The following POC1A variants were observed in gnomAD, a reference collection of about 807,000 sequenced individuals.
POC1A encodes the protein POC1 centriolar protein A, also known as POC1 centriolar protein homolog A.
A neutral mutation model predicts 47.8 loss-of-function variants in POC1A; 34 were observed. The observed-to-expected ratio is 0.71, with a 90% CI of 0.54 to 0.95. The LOEUF (loss-of-function observed/expected upper bound fraction) is 0.95. POC1A is among the 40% of genes least tolerant of loss of function. POC1A has a pLI of 0.00. For synonymous variants in POC1A, 177 were observed against 207.6 expected, an observed-to-expected ratio of 0.85 and a Z score of 1.27; for missense variants, 466 against 528.3, an observed-to-expected ratio of 0.88 and a Z score of 1.16.
At chr3:52,105,639 G>A (rs575604283) in intron 9 of POC1A, among the ~76,000 whole-genome samples, 2 of 152,274 alleles carry the variant, frequency 1.3e-5, no homozygotes, top group South Asian at 4.1e-4. Context: ...AGCCTTATTT[G>A]CCCTGTAATT....
At chr3:52,103,149 C>A (rs1703055572) in intron 9 of POC1A, among the ~76,000 whole-genome samples, 1 of 152,218 alleles carries the variant, frequency 6.6e-6, no homozygotes. Flanking sequence ...TGAGTATCCA[C>A]ATGCAAAAAA....
rs1340638739 is a variant in POC1A, at chr3:52,090,654, C to T, written c.1125+5915G>A. Among the ~76,000 whole-genome samples the T allele has an allele frequency of 6.6e-6, 1 of 152,156 alleles. No homozygotes were observed. The highest frequency in any genetic ancestry group is 1.5e-5 in the Non-Finnish European group (1 of 68,020). ...TGGAAACAGCCTCTCTCCCTGCTCA[C>T]TGGAGAAGTTTTCCGGCATCTGTGA... On this transcript the variant is annotated intron_variant, in intron 10 of 10. Transcript: ENST00000296484. This position sits in a 1 kb window ranked among gnomAD's most constrained non-coding sequence, Gnocchi z 4.2.
chr3:52,129,757 C>T (rs1319361180), intron 7 of POC1A, among the ~76,000 whole-genome samples: 2 of 152,216 alleles, frequency 1.3e-5, no homozygotes, highest in Non-Finnish European at 2.9e-5. Flanking sequence ...CCAGACACAG[C>T]CTGGCCTCCC....
intron 10 of POC1A, among the ~76,000 whole-genome samples, chr3:52,093,981 G>A (rs1702725075): frequency 6.6e-6 from 1 of 152,194 alleles, no homozygotes; most frequent in African/African-American, 2.4e-5. Flanking sequence ...ACGGCCCGCT[G>A]CATCCCCATG....
chr3:52,107,650 G>A lies in POC1A; in HGVS notation c.982-10938C>T, dbSNP rs76502043. Reference sequence around the variant, plus strand: ...CCCTCCCACAGCACATACCTGAACCGAGGTACCCTGGTAGGGAGATCAAGG... The same window carrying A: ...CCCTCCCACAGCACATACCTGAACCAAGGTACCCTGGTAGGGAGATCAAGG... On this transcript the variant is annotated intron_variant, in intron 9 of 10. Transcript: ENST00000296484. 1.7e-3 allele frequency among the ~76,000 whole-genome samples: 258 copies of A among 152,334 alleles called. 3 individuals are homozygous for A. The East Asian group carries it at 0.039, about 23-fold the overall frequency.
chr3:52,092,558 CA>C (rs1439077463), intron 10 of POC1A, among the ~76,000 whole-genome samples: 3 of 152,076 alleles, frequency 2.0e-5, no homozygotes, highest in Non-Finnish European at 4.4e-5. Context: ...GTGAGGTCCA[CA>C]AAGGGAAGTC....
intron 10 of POC1A, among the ~76,000 whole-genome samples, chr3:52,094,022 G>A (rs1702726559): frequency 6.6e-6 from 1 of 152,218 alleles, no homozygotes. Context: ...TCTGCAGGAT[G>A]GAGGCCTGAA....
chr3:52,090,860 T>TG lies in POC1A; in HGVS notation c.1125+5708dup, dbSNP rs1299642432. Among the ~76,000 whole-genome samples the TG allele has an allele frequency of 6.6e-6, 1 of 151,980 alleles. No homozygotes were observed. The highest frequency in any genetic ancestry group is 1.5e-5 in the Non-Finnish European group (1 of 67,972). On this transcript the variant is annotated intron_variant, in intron 10 of 10. Transcript: ENST00000296484. The surrounding 1 kb of genome is among the most constrained non-coding windows in gnomAD (Gnocchi z 4.2). ...GTGCTCAGAATGGAGGAGCCTGGCC[T>TG]GGGGGGCAGGCAGATGAAAAGGCCC...
chr3:52,119,538 G>A (rs746759287), intron 9 of POC1A, among the ~76,000 whole-genome samples: 5 of 151,992 alleles, frequency 3.3e-5, no homozygotes, highest in Non-Finnish European at 7.4e-5. Context: ...AGGACTACAG[G>A]GGAGTGCCAC....
chr3:52,135,301 G>A (rs1012198955), intron 7 of POC1A, among the ~76,000 whole-genome samples: 1 of 152,218 alleles, frequency 6.6e-6, no homozygotes, highest in African/African-American at 2.4e-5. Flanking sequence ...AGTGGACCCC[G>A]TATCTTAACC....
chr3:52,123,658 C>T (rs542483449), intron 8 of POC1A, among the ~76,000 whole-genome samples: 1 of 152,274 alleles, frequency 6.6e-6, no homozygotes, highest in South Asian at 2.1e-4. Context: ...CATGTCACTG[C>T]AAATCTAACT....
chr3:52,119,998 T>A (rs370819785), intron 9 of POC1A, among the ~76,000 whole-genome samples: 9 of 152,122 alleles, frequency 5.9e-5, no homozygotes, highest in Admixed American at 5.9e-4. Context: ...TGGCCAGCCA[T>A]AGAACCAGTC....
chr3:52,082,636 A>G (rs1352466672), intron 10 of POC1A, among the ~76,000 whole-genome samples: 2 of 152,100 alleles, frequency 1.3e-5, no homozygotes, highest in Non-Finnish European at 2.9e-5. Flanking sequence ...GCCTTCTCTC[A>G]CTCACAGTTC....
At chr3:52,148,594 G>A (rs1364794946) in intron 4 of POC1A, among the ~76,000 whole-genome samples, 1 of 152,234 alleles carries the variant, frequency 6.6e-6, no homozygotes, top group Non-Finnish European at 1.5e-5. Context: ...CACAGCACTG[G>A]CTCCCTGGCC....
Position 52,147,109 on chromosome 3 carries a change from G to A in POC1A, c.456-14C>T. On this transcript the variant is annotated splice_polypyrimidine_tract_variant and intron_variant, in intron 4 of 10. Transcript: ENST00000296484. ...TCGGGGGAGAACCTGAACCGGGTGG[G>A]GCACAAGTCACATCACAGACTAACA... 6.3e-7 allele frequency: 1 copy of A among 1,597,940 alleles called. No homozygotes were observed. The highest frequency in any genetic ancestry group is 8.6e-7 in the Non-Finnish European group (1 of 1,165,626).
At chr3:52,078,541 C>T (rs1387558157) in intron 10 of POC1A, among the ~76,000 whole-genome samples, 1 of 126,022 alleles carries the variant, frequency 7.9e-6, no homozygotes. Flanking sequence ...GACTGAGTCT[C>T]GTTCTGTCGA....
chr3:52,146,843 G>C, intron 5 of POC1A, 145 bp downstream of exon 5: 2 of 666,898 alleles, frequency 3.0e-6, no homozygotes, highest in South Asian at 1.8e-5. Context: ...GCCAGACCTC[G>C]CAAAAAGCAC....
At chr3:52,154,238 G>T in intron 1 of POC1A, 117 bp downstream of exon 1, 2 of 1,135,690 alleles carry the variant, frequency 1.8e-6, no homozygotes, top group Admixed American at 2.4e-5. Context: ...ACCTGAAGAG[G>T]ACCACCCTGG....
intron 7 of POC1A, among the ~76,000 whole-genome samples, chr3:52,126,962 A>G (rs1000525598): frequency 1.3e-5 from 2 of 152,108 alleles, no homozygotes; most frequent in African/African-American, 4.8e-5. Context: ...TAATCACACT[A>G]CCCTTCCTAA....
Sources: allele counts gnomAD v4.1 joint callset (sites outside exome capture counted in the v4.1 genomes callset), GRCh38; gene constraint gnomAD v4.1.1; non-coding constraint Gnocchi (gnomAD v3.1); transcripts MANE v1.5; gene names NCBI Gene and HGNC (gene_info 2026-07-23, HGNC 2026-07-21).